Variants in GLIS3 observed in about 807,000 individuals in gnomAD.
GLIS3 encodes the protein zinc finger protein GLIS3.
GLIS3 carries 53 observed loss-of-function variants against 78.6 expected under a neutral mutation model. That is an observed-to-expected ratio of 0.67 (90% CI 0.54 to 0.85). The LOEUF (loss-of-function observed/expected upper bound fraction) is 0.85, where lower values mean the gene tolerates loss of function less well. Among genes scored for constraint, GLIS3 ranks in the 40% least tolerant of loss-of-function variants. The pLI is 0.00. For synonymous variants in GLIS3, 684 were observed against 509.9 expected (o/e 1.34, Z -4.60); for missense variants, 1,703 against 1,231.1 (o/e 1.38, Z -5.74).
At chr9:4,254,900 A>T (rs1484505230) in intron 2 of GLIS3, among the ~76,000 whole-genome samples, 2 of 152,154 alleles carry the variant, frequency 1.3e-5, no homozygotes, top group Non-Finnish European at 2.9e-5. Flanking sequence ...TCAAGGGAAT[A>T]AAGACAGAAG....
At chr9:3,897,434 CATATATAT>C (rs145872957) in intron 7 of GLIS3, among the ~76,000 whole-genome samples, 4,097 of 150,310 alleles carry the variant, frequency 0.027, 91 homozygotes, top group Middle Eastern at 0.056. Context: ...CATGGTTTTT[CATATATAT>C]ATATATATTT....
intron 8 of GLIS3, among the ~76,000 whole-genome samples, chr9:3,876,593 G>T (rs1161567097): frequency 7.4e-6 from 1 of 135,206 alleles, no homozygotes; most frequent in Non-Finnish European, 1.5e-5. Flanking sequence ...CTGTCAAATG[G>T]TTCTGCAACA....
chr9:4,438,634 A>C, the GLIS3 span, among the ~76,000 whole-genome samples: 1 of 152,176 alleles, frequency 6.6e-6, no homozygotes, highest in Non-Finnish European at 1.5e-5. Context: ...AATAATCCCC[A>C]CTTGTCAAGG....
rs1011796479 is a variant in GLIS3 at position 3,990,520 on chromosome 9, C to A, written c.1711-53331G>T. ...TCCCTAACCTTTCTGGCAATTTAATCTGTGGCATGCGAAAGAAGTTCCCAT... is the reference window on the plus strand; with the variant it reads ...TCCCTAACCTTTCTGGCAATTTAATATGTGGCATGCGAAAGAAGTTCCCAT... On this transcript the variant is annotated intron_variant, in intron 4 of 10. Transcript: ENST00000381971. Among the ~76,000 whole-genome samples the A allele has an allele frequency of 1.9e-4, 29 of 152,186 alleles. 1 individual carries two copies. Among genetic ancestry groups the A allele is most frequent in the Admixed American group, 1.9e-3 (29 of 15,274 alleles).
At chr9:4,330,533 A>G (rs1817669474) in intron 2 of GLIS3, among the ~76,000 whole-genome samples, 1 of 152,132 alleles carries the variant, frequency 6.6e-6, no homozygotes, top group Non-Finnish European at 1.5e-5. Flanking sequence ...GTGGAGGGAG[A>G]TGAAGGGAGG....
chr9:4,223,117 C>T (rs929514313), intron 2 of GLIS3, among the ~76,000 whole-genome samples: 1 of 152,146 alleles, frequency 6.6e-6, no homozygotes, highest in African/African-American at 2.4e-5. Context: ...TATGAAGTGT[C>T]TATGAGATAA....
At chr9:4,423,432 C>T in the GLIS3 span, among the ~76,000 whole-genome samples, 1 of 152,004 alleles carries the variant, frequency 6.6e-6, no homozygotes, top group Non-Finnish European at 1.5e-5. Flanking sequence ...CTACTCATTC[C>T]CCCAACTTCC....
upstream of GLIS3, among the ~76,000 whole-genome samples, chr9:4,302,331 C>A (rs966100160): frequency 2.6e-5 from 4 of 152,216 alleles, no homozygotes; most frequent in African/African-American, 9.7e-5. Flanking sequence ...GTATGTGCCT[C>A]AACCGCTGAC....
chr9:3,962,814 C>A (rs944196793), intron 4 of GLIS3, among the ~76,000 whole-genome samples: 3 of 152,064 alleles, frequency 2.0e-5, no homozygotes, highest in Admixed American at 6.6e-5. Flanking sequence ...CGAAACCCTG[C>A]ACTTTCAGGA....
At chr9:4,132,411 C>T (rs1207074092) in intron 2 of GLIS3, among the ~76,000 whole-genome samples, 2 of 152,134 alleles carry the variant, frequency 1.3e-5, no homozygotes, top group Non-Finnish European at 2.9e-5. Context: ...AGTCAAATGG[C>T]TGATTATGTC....
intron 2 of GLIS3, among the ~76,000 whole-genome samples, chr9:4,166,860 C>T (rs1815891115): frequency 6.6e-6 from 1 of 152,212 alleles, no homozygotes; most frequent in Non-Finnish European, 1.5e-5. Flanking sequence ...AAGTCTTCCT[C>T]CTCTTTCCTC....
At chr9:3,837,411 T>C (rs781054746) in intron 9 of GLIS3, among the ~76,000 whole-genome samples, 1 of 152,214 alleles carries the variant, frequency 6.6e-6, no homozygotes, top group Non-Finnish European at 1.5e-5. Flanking sequence ...AGCAATTGTG[T>C]CCTCTTATAT....
At chr9:4,087,372 T>C (rs185051892) in intron 4 of GLIS3, among the ~76,000 whole-genome samples, 8 of 152,234 alleles carry the variant, frequency 5.3e-5, no homozygotes, top group African/African-American at 1.9e-4. Flanking sequence ...GAGCTACTAC[T>C]GAGTGAAGAT....
the GLIS3 span, among the ~76,000 whole-genome samples, chr9:4,425,167 C>A: frequency 6.6e-6 from 1 of 152,080 alleles, no homozygotes; most frequent in Non-Finnish European, 1.5e-5. Context: ...CCAAAACAGC[C>A]CTTATTGCCC....
chr9:4,028,921 T>C (rs1292522391), intron 4 of GLIS3, among the ~76,000 whole-genome samples: 1 of 152,156 alleles, frequency 6.6e-6, no homozygotes, highest in East Asian at 1.9e-4. Flanking sequence ...GCAAACACTG[T>C]TGAACAAGCA....
At chr9:4,315,981 G>A (rs1194269793) in intron 2 of GLIS3, among the ~76,000 whole-genome samples, 1 of 152,156 alleles carries the variant, frequency 6.6e-6, no homozygotes, top group East Asian at 1.9e-4. Flanking sequence ...TAGAAAGGAA[G>A]CAGGATATTA....
intron 4 of GLIS3, among the ~76,000 whole-genome samples, chr9:3,967,011 CAAAAAAAAAAAA>C (rs776900943): frequency 6.8e-5 from 2 of 29,598 alleles, no homozygotes; most frequent in Non-Finnish European, 1.1e-4. Context: ...TTTCTTTCTG[CAAAAAAAAAAAA>C]AAAAAAAAAA....
chr9:3,846,508 C>G (rs1206314932), intron 9 of GLIS3, among the ~76,000 whole-genome samples: 1 of 152,176 alleles, frequency 6.6e-6, no homozygotes, highest in Non-Finnish European at 1.5e-5. Flanking sequence ...CATTCTTGTG[C>G]CAAGTCTGAA....
intron 4 of GLIS3, among the ~76,000 whole-genome samples, chr9:4,039,830 G>C (rs566963327): frequency 2.6e-5 from 4 of 152,320 alleles, no homozygotes; most frequent in East Asian, 1.9e-4. Flanking sequence ...ACAGGAGTTA[G>C]AGCACTCAAG....
Sources: gnomAD v4.1 joint callset for allele counts (sites outside exome capture counted in the v4.1 genomes callset) on GRCh38, gnomAD v4.1.1 for gene constraint, MANE v1.5 for transcripts, NCBI Gene and HGNC (gene_info 2026-07-23, HGNC 2026-07-21) for gene names.